PLD1: variants seen among roughly 807,000 people sequenced by gnomAD.
PLD1 encodes the protein choline phosphatase 1.
A neutral mutation model predicts 137.1 loss-of-function variants in PLD1; 112 were observed. The observed-to-expected ratio is 0.82, with a 90% confidence interval of 0.70 to 0.96. The LOEUF is 0.96. Ranked by LOEUF, PLD1 falls within the 40% of genes least tolerant of loss-of-function variation. PLD1 has a pLI of 0.00. For synonymous variants in PLD1, 431 were observed against 454.7 expected, an observed-to-expected ratio of 0.95 and a Z score of 0.66; for missense variants, 1,321 against 1,342.0, an observed-to-expected ratio of 0.98 and a Z score of 0.24.
intron 23 of PLD1, among the ~76,000 whole-genome samples, chr3:171,628,874 A>G (rs1734381998): frequency 1.3e-5 from 2 of 152,076 alleles, no homozygotes; most frequent in Non-Finnish European, 2.9e-5. Context: ...AAATAAAAAG[A>G]GCTATCTATG....
chr3:171,663,450 A>G (rs1711733557), intron 19 of PLD1, among the ~76,000 whole-genome samples: 1 of 152,208 alleles, frequency 6.6e-6, no homozygotes, highest in Admixed American at 6.5e-5. Flanking sequence ...ATAGGGTCAT[A>G]GAGAGGATTA....
intron 4 of PLD1, among the ~76,000 whole-genome samples, chr3:171,735,291 C>T (rs781572041): frequency 1.3e-4 from 20 of 152,132 alleles, no homozygotes; most frequent in African/African-American, 3.9e-4. Context: ...CGTGCCACCA[C>T]GTCCAGCTAA....
chr3:171,742,794 T>C (rs547768241), intron 1 of PLD1, among the ~76,000 whole-genome samples: 5 of 152,352 alleles, frequency 3.3e-5, no homozygotes, highest in Middle Eastern at 6.8e-3. Flanking sequence ...ACTCAATCTT[T>C]AGTAATATAA....
chr3:171,636,366 A>G (rs1735134069), intron 23 of PLD1, among the ~76,000 whole-genome samples: 1 of 152,062 alleles, frequency 6.6e-6, no homozygotes. Flanking sequence ...AAATTTGGAG[A>G]GTACTGCCAT....
intron 24 of PLD1, among the ~76,000 whole-genome samples, chr3:171,616,289 C>T (rs2108281868): frequency 6.6e-6 from 1 of 152,178 alleles, no homozygotes; most frequent in South Asian, 2.1e-4. Flanking sequence ...GAAGAAATTT[C>T]TGAATTTTAA....
intron 1 of PLD1, among the ~76,000 whole-genome samples, chr3:171,764,924 G>GAAAGGAAGGAAA (rs370464837): frequency 4.9e-5 from 1 of 20,422 alleles, no homozygotes; most frequent in African/African-American, 1.6e-4. Flanking sequence ...AAGAAAGAAA[G>GAAAGGAAGGAAA]GAAAGAAAGG....
intron 1 of PLD1, chr3:171,789,543 C>T (rs1447955942): frequency 6.6e-6 from 1 of 151,646 alleles, no homozygotes; most frequent in African/African-American, 2.4e-5. Flanking sequence ...TATCTGTATA[C>T]AAAAGACAAA....
intron 12 of PLD1, among the ~76,000 whole-genome samples, chr3:171,694,883 T>C (rs1027019326): frequency 1.3e-5 from 2 of 152,218 alleles, no homozygotes; most frequent in Admixed American, 6.5e-5. Context: ...TCTTTTCTCA[T>C]TGAAATAATT....
chr3:171,764,698 A>G (rs1251844608), intron 1 of PLD1, among the ~76,000 whole-genome samples: 1 of 151,868 alleles, frequency 6.6e-6, no homozygotes, highest in Admixed American at 6.6e-5. Flanking sequence ...TGGGGCCTGC[A>G]GAGTAACCAG....
intron 19 of PLD1, among the ~76,000 whole-genome samples, chr3:171,672,845 A>G (rs1712927044): frequency 6.6e-6 from 1 of 152,258 alleles, no homozygotes; most frequent in Non-Finnish European, 1.5e-5. Flanking sequence ...GAAGCATTTT[A>G]TAGAGTCTCT....
chr3:171,673,611 ATG>A (rs1460340737), intron 19 of PLD1, among the ~76,000 whole-genome samples: 2 of 152,146 alleles, frequency 1.3e-5, no homozygotes, highest in Non-Finnish European at 1.5e-5. Flanking sequence ...ACAGTCTGAA[ATG>A]TCTTATTTCT....
At chr3:171,798,306 T>C (rs1268924381) in intron 1 of PLD1, among the ~76,000 whole-genome samples, 1 of 152,232 alleles carries the variant, frequency 6.6e-6, no homozygotes, top group East Asian at 1.9e-4. Flanking sequence ...AGGCTGGGGC[T>C]ATGATACCTC....
At chr3:171,614,032 T>C (rs1174852001) in intron 24 of PLD1, among the ~76,000 whole-genome samples, 1 of 152,182 alleles carries the variant, frequency 6.6e-6, no homozygotes, top group East Asian at 1.9e-4. Flanking sequence ...ACAGCAGCCC[T>C]ACCAGAGCTC....
At chr3:171,624,597 T>C (rs896299087) in intron 23 of PLD1, among the ~76,000 whole-genome samples, 2 of 152,136 alleles carry the variant, frequency 1.3e-5, no homozygotes. Context: ...ACCCATTGTA[T>C]GTAGTTCCGT....
intron 1 of PLD1, among the ~76,000 whole-genome samples, chr3:171,791,494 G>A (rs374947671): frequency 2.6e-5 from 4 of 152,196 alleles, no homozygotes; most frequent in Non-Finnish European, 4.4e-5. Flanking sequence ...TCTATATCAC[G>A]GTGAAAAACT....
chr3:171,671,077 G>C (rs901312586), intron 19 of PLD1, among the ~76,000 whole-genome samples: 4 of 152,192 alleles, frequency 2.6e-5, no homozygotes, highest in African/African-American at 7.2e-5. Flanking sequence ...GGCTCAGGGA[G>C]GGGTAATGGC....
intron 19 of PLD1, among the ~76,000 whole-genome samples, chr3:171,670,700 C>T (rs535137865): frequency 9.2e-5 from 14 of 152,282 alleles, no homozygotes; most frequent in African/African-American, 2.4e-5. Context: ...TTTATCACTG[C>T]CATGTGGCTA....
chr3:171,698,225 G>A (rs1247006511), intron 12 of PLD1, among the ~76,000 whole-genome samples: 1 of 152,184 alleles, frequency 6.6e-6, no homozygotes. Context: ...CTGATTCATG[G>A]TGGCATTCTT....
At position 171,612,237 on chromosome 3, in the gene PLD1, G is replaced by T. The variant is rs1401536977; in HGVS notation, c.2882+42C>A. ...GCGGGGCTGGGTCCCAGCGACTGCT[G>T]CAGTGGAAATGCATCAGAGAGACAC... On this transcript the variant is annotated intron_variant, in intron 25 of 26. Coordinates refer to ENST00000351298, the MANE Select transcript of PLD1 (RefSeq NM_002662.5). The surrounding 1 kb of genome is among the most constrained non-coding windows in gnomAD (Gnocchi z 4.1). 6.3e-7 allele frequency: 1 copy of T among 1,596,836 alleles called. No homozygotes were observed. The highest frequency in any genetic ancestry group is 8.6e-7 in the Non-Finnish European group (1 of 1,166,408).
Sources: gnomAD v4.1 joint callset for allele counts (sites outside exome capture counted in the v4.1 genomes callset) on GRCh38, gnomAD v4.1.1 for gene constraint, Gnocchi (gnomAD v3.1) non-coding constraint, MANE v1.5 for transcripts, NCBI Gene and HGNC (gene_info 2026-07-23, HGNC 2026-07-21) for gene names.